Variants in NCOA3 observed in about 807,000 individuals in gnomAD.
NCOA3 encodes CBP-interacting protein.
Under a neutral mutation model 158.8 loss-of-function variants are expected in NCOA3, and 51 were observed. The observed-to-expected ratio is 0.32, with a 90% CI of 0.26 to 0.41. The LOEUF (loss-of-function observed/expected upper bound fraction) is 0.41. Among genes scored for constraint, NCOA3 ranks in the 10% least tolerant of loss-of-function variants. NCOA3 has a pLI of 1.00. For missense variants in NCOA3, 1,510 were observed against 1,746.6 expected (o/e 0.86, Z 2.41); for synonymous variants, 537 against 592.4 (o/e 0.91, Z 1.36).
Position 47,593,067 on chromosome 20 carries a change from C to T in NCOA3, c.-20+9806C>T, listed in dbSNP as rs3787232. On this transcript the variant is annotated intron_variant, in intron 2 of 22. Transcript: ENST00000371998. ...TCCTGCCTCAGCCTCTCAAGTAGCT[C>T]GGGTTACAGGCATCCGCCACCACAC... 3.9e-5 allele frequency among the ~76,000 whole-genome samples: 6 copies of T among 151,932 alleles called. No homozygotes were observed. In the South Asian group the frequency reaches 8.3e-4, roughly 21 times the overall value.
intron 1 of NCOA3, among the ~76,000 whole-genome samples, chr20:47,515,715 AG>A (rs2084223981): frequency 6.6e-6 from 1 of 151,964 alleles, no homozygotes; most frequent in Non-Finnish European, 1.5e-5. Flanking sequence ...TCTGGCCTCA[AG>A]TGGTCCGCCC....
chr20:47,552,002 C>T (rs1430347793), intron 1 of NCOA3, among the ~76,000 whole-genome samples: 1 of 152,132 alleles, frequency 6.6e-6, no homozygotes, highest in African/African-American at 2.4e-5. Context: ...ACCAGGTTGG[C>T]CCTTTTGCTG....
intron 17 of NCOA3, among the ~76,000 whole-genome samples, chr20:47,645,835 A>G (rs572605348): frequency 1.2e-4 from 18 of 152,312 alleles, no homozygotes; most frequent in Admixed American, 1.0e-3. Flanking sequence ...TCCAGTTACT[A>G]TGGTAACAGT....
intron 1 of NCOA3, among the ~76,000 whole-genome samples, chr20:47,573,745 C>T (rs1293747330): frequency 1.3e-5 from 2 of 152,174 alleles, no homozygotes; most frequent in East Asian, 1.9e-4. Context: ...CTTTGTCTTT[C>T]AGGTTTGTCC....
chr20:47,510,064 G>A (rs1384910544), intron 1 of NCOA3, among the ~76,000 whole-genome samples: 1 of 152,074 alleles, frequency 6.6e-6, no homozygotes, highest in South Asian at 2.1e-4. Flanking sequence ...AATAAGACAG[G>A]ACTGTTACCA....
At chr20:47,590,442 T>C (rs1439690846) in intron 2 of NCOA3, among the ~76,000 whole-genome samples, 4 of 152,166 alleles carry the variant, frequency 2.6e-5, no homozygotes, top group African/African-American at 9.7e-5. Flanking sequence ...CTCAGCCTCC[T>C]GAGTAGCTGG....
Position 47,633,530 on chromosome 20 carries a change from A to G in NCOA3, c.858A>G (p.Arg286=). ...TCAATATAGATACAAATTCACTGAGATCCTCCATGAGGCCTGGCTTTGAAG... is the reference window on the plus strand; with the variant it reads ...TCAATATAGATACAAATTCACTGAGGTCCTCCATGAGGCCTGGCTTTGAAG... ...KVVNIDTNSL[R]SSMRPGFEDI... Residue 286 remains arginine, a synonymous_variant, in exon 9 of 23, where the codon AGA becomes AGG. Coordinates refer to ENST00000371998, the MANE Select transcript of NCOA3 (RefSeq NM_181659.3). 1 of 1,612,944 alleles carries G rather than the reference A, an allele frequency of 6.2e-7. No individual in the cohort carries two copies. Among genetic ancestry groups the G allele is most frequent in the East Asian group, 2.2e-5 (1 of 44,880 alleles).
Position 47,647,104 on chromosome 20 carries a change from T to C in NCOA3, c.3284T>C (p.Phe1095Ser). The change falls in exon 18 of 23, where the codon TTC (phenylalanine) becomes TCC (serine). Residue 1095 changes from phenylalanine to serine, a missense_variant. Coordinates refer to ENST00000371998, the MANE Select transcript of NCOA3 (RefSeq NM_181659.3). ...GQALEPKQDA[F>S]QGQEAAVMMD... Reference sequence around the variant, plus strand: ...GCATTAGAGCCCAAACAGGATGCTTTCCAAGGCCAAGAAGCAGCAGTAATG... The same window carrying C: ...GCATTAGAGCCCAAACAGGATGCTTCCCAAGGCCAAGAAGCAGCAGTAATG... 3 of 1,614,128 alleles carry C rather than the reference T, an allele frequency of 1.9e-6. No homozygotes were observed. The highest frequency in any genetic ancestry group is 2.5e-6 in the Non-Finnish European group (3 of 1,179,992).
intron 1 of NCOA3, among the ~76,000 whole-genome samples, chr20:47,568,213 A>G (rs973888520): frequency 3.3e-5 from 5 of 152,192 alleles, no homozygotes; most frequent in African/African-American, 7.2e-5. Flanking sequence ...TGCATTGGGT[A>G]CTTGAATAAA....
intron 1 of NCOA3, among the ~76,000 whole-genome samples, chr20:47,571,161 C>T (rs972267282): frequency 9.3e-5 from 14 of 151,066 alleles, no homozygotes; most frequent in African/African-American, 3.2e-4. Flanking sequence ...TGTGCCACCA[C>T]GCCTGGCTAA....
chr20:47,584,466 A>G (rs571518178), intron 2 of NCOA3, among the ~76,000 whole-genome samples: 84 of 152,132 alleles, frequency 5.5e-4, no homozygotes, highest in Admixed American at 2.3e-3. Context: ...CTAAAAATAC[A>G]AAAATTAGCC....
In NCOA3 at chr20:47,656,804, G is replaced by A. The variant is rs944204709; in HGVS notation, c.*3387G>A. 2 of 152,078 alleles carry A rather than the reference G, an allele frequency of 1.3e-5. No individual in the cohort carries two copies. The highest frequency in any genetic ancestry group is 4.2e-4 in the South Asian group (2 of 4,810). The allele number at this position is 152,078 out of a possible 1,614,324, so 9.4% of individuals were successfully genotyped here. ...GAAACCACATGAAATGACTTATGGG[G>A]GATGGTGAGCTGTGACTGCTTTGCT... On this transcript the variant is annotated 3_prime_UTR_variant, in exon 23 of 23. Transcript: ENST00000371998.
At position 47,597,772 on chromosome 20, in the gene NCOA3, A is replaced by T. The variant is rs6012221; in HGVS notation, c.-20+14511A>T. Reference sequence around the variant, plus strand: ...CCAAAGTGCTGGGATTACAGGTGTGAGCCACCGCACCTGGCCTAACCTTTC... The same window carrying T: ...CCAAAGTGCTGGGATTACAGGTGTGTGCCACCGCACCTGGCCTAACCTTTC... On this transcript the variant is annotated intron_variant, in intron 2 of 22. Coordinates refer to ENST00000371998, the MANE Select transcript of NCOA3 (RefSeq NM_181659.3). Among the ~76,000 whole-genome samples, 1,095 of 150,134 alleles carry T rather than the reference A, an allele frequency of 7.3e-3. 21 individuals carry two copies. Among genetic ancestry groups the T allele is most frequent in the African/African-American group, 0.025 (1,037 of 41,056 alleles).
Position 47,522,486 on chromosome 20 carries a change from C to T in NCOA3, c.-99+20467C>T, listed in dbSNP as rs6018527. Among the ~76,000 whole-genome samples the T allele has an allele frequency of 7.1e-3, 1,079 of 150,970 alleles. 23 individuals carry two copies. Among genetic ancestry groups the T allele is most frequent in the African/African-American group, 0.025 (1,021 of 40,888 alleles). On this transcript the variant is annotated intron_variant, in intron 1 of 22. Transcript: ENST00000371998. ...AGGGAGAAGACGGAAGAAGCTCCCC[C>T]ATACAGAGACAGAAGGAGGGGGGCT...
chr20:47,638,904 TAAGA>T, intron 13 of NCOA3, 100 bp from the exon 14 acceptor site: 1 of 948,516 alleles, frequency 1.1e-6, no homozygotes, highest in Non-Finnish European at 1.5e-6. Context: ...TTTGTTTTTG[TAAGA>T]AAGACATTCT....
At chr20:47,552,723 A>G (rs2084942589) in intron 1 of NCOA3, among the ~76,000 whole-genome samples, 1 of 152,178 alleles carries the variant, frequency 6.6e-6, no homozygotes. Flanking sequence ...TTATCAAACC[A>G]GTTTTCAATA....
At chr20:47,550,147 T>C (rs1042652841) in intron 1 of NCOA3, among the ~76,000 whole-genome samples, 33 of 151,598 alleles carry the variant, frequency 2.2e-4, no homozygotes, top group African/African-American at 7.8e-4. Flanking sequence ...TTTTTTTTTT[T>C]TTAAAAGGGT....
At chr20:47,595,799 G>A (rs1208273158) in intron 2 of NCOA3, among the ~76,000 whole-genome samples, 3 of 151,732 alleles carry the variant, frequency 2.0e-5, no homozygotes, top group Admixed American at 6.6e-5. Context: ...TTTACCTTTC[G>A]ATGTCTCAGT....
chr20:47,540,053 A>G (rs932519168), intron 1 of NCOA3, among the ~76,000 whole-genome samples: 1 of 152,156 alleles, frequency 6.6e-6, no homozygotes, highest in African/African-American at 2.4e-5. Flanking sequence ...CTCATGGGTT[A>G]ATTACATAAG....
Sources: allele counts gnomAD v4.1 joint callset (sites outside exome capture counted in the v4.1 genomes callset), GRCh38; gene constraint gnomAD v4.1.1; transcripts MANE v1.5; gene names NCBI Gene and HGNC (gene_info 2026-07-23, HGNC 2026-07-21).